Variants in CACNA2D3 observed in about 807,000 individuals in gnomAD.
CACNA2D3 encodes the protein voltage-dependent calcium channel subunit alpha-2/delta-3.
In CACNA2D3, 60 loss-of-function variants were observed where a neutral mutation model predicts 160.6. That is an observed-to-expected ratio of 0.37 (90% confidence interval 0.30 to 0.46). CACNA2D3 has a LOEUF of 0.46. CACNA2D3 is among the 20% of genes least tolerant of loss of function. The pLI, the probability that CACNA2D3 is intolerant of heterozygous loss-of-function variation, is 1.00. For missense variants in CACNA2D3, 1,205 were observed against 1,365.0 expected (o/e 0.88, Z 1.85); for synonymous variants, 558 against 492.9 (o/e 1.13, Z -1.75).
intron 13 of CACNA2D3, among the ~76,000 whole-genome samples, chr3:54,800,911 C>A (rs1702970040): frequency 6.6e-6 from 1 of 151,988 alleles, no homozygotes; most frequent in African/African-American, 2.4e-5. Context: ...GTTTAATATT[C>A]TCTATGCCTT....
intron 4 of CACNA2D3, among the ~76,000 whole-genome samples, chr3:54,469,030 G>A (rs900024659): frequency 1.3e-5 from 2 of 152,216 alleles, no homozygotes; most frequent in African/African-American, 4.8e-5. Flanking sequence ...CCGCCTGCCG[G>A]CTCTTAAGAG....
intron 11 of CACNA2D3, among the ~76,000 whole-genome samples, chr3:54,717,526 GGTGT>G (rs1246653425): frequency 6.7e-6 from 1 of 150,028 alleles, no homozygotes; most frequent in Non-Finnish European, 1.5e-5. Context: ...GTGTGTGTGT[GGTGT>G]GTGTGTGGTG....
chr3:54,924,807 G>T, intron 27 of CACNA2D3: 1 of 1,614,112 alleles, frequency 6.2e-7, no homozygotes, highest in South Asian at 1.1e-5. Flanking sequence ...TCCCAAGGAT[G>T]TGGGAAGGTG....
At position 54,838,512 on chromosome 3, in the gene CACNA2D3, A is replaced by G. The variant is rs968986136; in HGVS notation, c.1471-56A>G. ...GGTATGTGACTTCTCGTGAGATTCT[A>G]TTTCTTTTGCCAAGTTAACTTACTG... On this transcript the variant is annotated intron_variant, in intron 15 of 37. Coordinates refer to ENST00000474759, the MANE Select transcript of CACNA2D3 (RefSeq NM_018398.3). 1.1e-5 allele frequency: 15 copies of G among 1,378,362 alleles called. No homozygotes were observed. In the East Asian group the frequency reaches 1.4e-4, roughly 13 times the overall value. 85.4% of individuals were successfully genotyped at this position (1,378,362 alleles called of 1,614,324 possible).
Position 55,004,839 on chromosome 3 carries a change from G to T in CACNA2D3, c.2766+1G>T. On this transcript the variant is annotated splice_donor_variant, in intron 32 of 37. Coordinates refer to ENST00000474759, the MANE Select transcript of CACNA2D3 (RefSeq NM_018398.3). LOFTEE classifies it high-confidence loss of function. ...CGATGGCGCCCATGGCCTCCTGGATGTAAGTACTATGCTGTCACTCAGAAA... is the reference window on the plus strand; with the variant it reads ...CGATGGCGCCCATGGCCTCCTGGATTTAAGTACTATGCTGTCACTCAGAAA... 2 of 1,608,772 alleles carry T rather than the reference G, an allele frequency of 1.2e-6. No homozygotes were observed. Among genetic ancestry groups the T allele is most frequent in the Non-Finnish European group, 1.7e-6 (2 of 1,175,164 alleles).
intron 28 of CACNA2D3, 120 bp downstream of exon 28, chr3:54,968,631 C>T (rs746179127): frequency 7.0e-5 from 50 of 710,234 alleles, no homozygotes; most frequent in African/African-American, 4.6e-4. Context: ...AATCAACTGC[C>T]GGCTGCTCAG....
intron 10 of CACNA2D3, among the ~76,000 whole-genome samples, chr3:54,637,293 C>T (rs1199198308): frequency 2.0e-5 from 3 of 151,616 alleles, no homozygotes; most frequent in Non-Finnish European, 2.9e-5. Flanking sequence ...GGTGCATGAT[C>T]GGTCACCAAG....
chr3:54,150,054 A>G (rs907507578), intron 2 of CACNA2D3, among the ~76,000 whole-genome samples: 5 of 149,802 alleles, frequency 3.3e-5, no homozygotes, highest in African/African-American at 1.2e-4. Flanking sequence ...GGAAACACAT[A>G]CAAGCACACA....
At chr3:54,711,342 C>G (rs1044078367) in intron 11 of CACNA2D3, among the ~76,000 whole-genome samples, 1 of 152,164 alleles carries the variant, frequency 6.6e-6, no homozygotes, top group Non-Finnish European at 1.5e-5. Flanking sequence ...ATCTGTCACC[C>G]GGAGACAGAG....
intron 35 of CACNA2D3, among the ~76,000 whole-genome samples, chr3:55,062,280 C>CTTTTTTT (rs10693110): frequency 4.2e-4 from 59 of 139,872 alleles, no homozygotes; most frequent in African/African-American, 1.4e-3. Flanking sequence ...TCATATCTGT[C>CTTTTTTT]TTTTTTTTTT....
chr3:54,512,580 T>A (rs1235954114), intron 5 of CACNA2D3, among the ~76,000 whole-genome samples: 1 of 152,122 alleles, frequency 6.6e-6, no homozygotes, highest in Admixed American at 6.5e-5. Flanking sequence ...AGAAATTCAG[T>A]GAAGGGAGGA....
chr3:54,864,541 C>T (rs938524399), intron 17 of CACNA2D3, among the ~76,000 whole-genome samples: 1 of 152,084 alleles, frequency 6.6e-6, no homozygotes, highest in African/African-American at 2.4e-5. Context: ...ATTACAGGCG[C>T]GAGCCACTGT....
At chr3:54,265,715 T>C (rs932459431) in intron 2 of CACNA2D3, among the ~76,000 whole-genome samples, 3 of 150,606 alleles carry the variant, frequency 2.0e-5, no homozygotes, top group East Asian at 2.0e-4. Context: ...TGTGTTTATA[T>C]ACGCACACAC....
At chr3:54,233,959 A>T (rs1212402765) in intron 2 of CACNA2D3, among the ~76,000 whole-genome samples, 1 of 152,216 alleles carries the variant, frequency 6.6e-6, no homozygotes, top group Non-Finnish European at 1.5e-5. Flanking sequence ...TCCTGGACAT[A>T]GGAACGGGCA....
intron 27 of CACNA2D3, among the ~76,000 whole-genome samples, chr3:54,939,867 A>C (rs1236981180): frequency 6.6e-6 from 1 of 152,198 alleles, no homozygotes; most frequent in Non-Finnish European, 1.5e-5. Context: ...GCCGCTGGCC[A>C]TGCTTGCTTT....
At chr3:54,466,229 C>G (rs879370097) in intron 4 of CACNA2D3, among the ~76,000 whole-genome samples, 1 of 152,094 alleles carries the variant, frequency 6.6e-6, no homozygotes, top group Non-Finnish European at 1.5e-5. Flanking sequence ...TTGGATGGGA[C>G]CATTTTCAGA....
At chr3:54,499,570 T>G (rs1007823848) in intron 4 of CACNA2D3, among the ~76,000 whole-genome samples, 3 of 152,278 alleles carry the variant, frequency 2.0e-5, no homozygotes, top group Middle Eastern at 3.4e-3. Flanking sequence ...TTGTAAGCTT[T>G]GCTTTTGCTA....
At chr3:54,555,065 G>A (rs1702222617) in intron 5 of CACNA2D3, among the ~76,000 whole-genome samples, 1 of 151,854 alleles carries the variant, frequency 6.6e-6, no homozygotes, top group Non-Finnish European at 1.5e-5. Context: ...CTGTAGAGAT[G>A]GAGTTTCGCC....
chr3:54,494,763 G>A (rs564780484), intron 4 of CACNA2D3, among the ~76,000 whole-genome samples: 1 of 152,294 alleles, frequency 6.6e-6, no homozygotes, highest in East Asian at 1.9e-4. Flanking sequence ...TGGCTGGGGA[G>A]GCCTCAGGAA....
Sources: allele counts gnomAD v4.1 joint callset (sites outside exome capture counted in the v4.1 genomes callset), GRCh38; gene constraint gnomAD v4.1.1; transcripts MANE v1.5; gene names NCBI Gene and HGNC (gene_info 2026-07-23, HGNC 2026-07-21).